DYNC2I2: variants seen among roughly 807,000 people sequenced by gnomAD.
DYNC2I2 encodes the protein dynein 2 intermediate chain 2, also known as cytoplasmic dynein 2 intermediate chain 2.
A neutral mutation model predicts 52.0 loss-of-function variants in DYNC2I2; 39 were observed. The ratio of observed to expected loss-of-function variants is 0.75; its 90% CI spans 0.58 to 0.98. The LOEUF is 0.98. Among genes scored for constraint, DYNC2I2 ranks in the 50% least tolerant of loss-of-function variants. The pLI is 0.00. For synonymous variants in DYNC2I2, 359 were observed against 321.1 expected, an observed-to-expected ratio of 1.12 and a Z score of -1.26; for missense variants, 743 against 728.4, an observed-to-expected ratio of 1.02 and a Z score of -0.23.
intron 2 of DYNC2I2, among the ~76,000 whole-genome samples, chr9:128,637,674 C>G (rs1860441300): frequency 6.6e-6 from 1 of 152,266 alleles, no homozygotes; most frequent in Non-Finnish European, 1.5e-5. Flanking sequence ...AACTCCTGAC[C>G]TCAGGTGATC....
the DYNC2I2 span, among the ~76,000 whole-genome samples, chr9:128,667,937 T>G: frequency 3.7e-5 from 5 of 136,032 alleles, no homozygotes; most frequent in Admixed American, 3.5e-4. Context: ...TTCACCATGT[T>G]GGCCAGGATG....
chr9:128,636,307 T>C lies in DYNC2I2; in HGVS notation c.677A>G (p.His226Arg), dbSNP rs139362186. The change falls in exon 4 of 9, where the codon CAC becomes CGC. Residue 226 changes from histidine (H) to arginine (R), a missense_variant. Coordinates refer to ENST00000372715, the MANE Select transcript of DYNC2I2 (RefSeq NM_052844.4). ...VPSAVLCLAF[H>R]PTQPSHVAGG... ...TGCGACGTGGGAGGGCTGCGTGGGG[T>C]GGAAGGCCAGACACAGGACAGCGCT... The C allele has an allele frequency of 6.1e-5, 97 of 1,583,106 alleles. No individual in the cohort carries two copies. Among genetic ancestry groups the C allele is most frequent in the Non-Finnish European group, 8.0e-5 (93 of 1,165,500 alleles).
In DYNC2I2 at chr9:128,633,747, GGCC is replaced by G. The variant is rs1860229370; in HGVS notation, c.1605_1607del (p.Ala536del). 6.2e-7 allele frequency: 1 copy of G among 1,612,462 alleles called. No individual in the cohort carries two copies. Among genetic ancestry groups the G allele is most frequent in the Non-Finnish European group, 8.5e-7 (1 of 1,179,964 alleles). Reference sequence around the variant, plus strand: ...TGCACCCGCCTCCCGGGACCCCTCAGGCCGCCACCTCTGCTGCCAGGCAGTCCA... The same window carrying G: ...TGCACCCGCCTCCCGGGACCCCTCAGGCCACCTCTGCTGCCAGGCAGTCCA... On this transcript the variant is annotated inframe_deletion, in exon 9 of 9. Coordinates refer to ENST00000372715, the MANE Select transcript of DYNC2I2 (RefSeq NM_052844.4).
At chr9:128,681,254 T>C in the DYNC2I2 span, among the ~76,000 whole-genome samples, 2 of 151,718 alleles carry the variant, frequency 1.3e-5, no homozygotes, top group Admixed American at 1.3e-4. Context: ...CCACTCCAGG[T>C]TAATTTTTGT....
At chr9:128,637,052 G>A in intron 2 of DYNC2I2, 25 bp from the exon 3 acceptor site, 1 of 1,583,032 alleles carries the variant, frequency 6.3e-7, no homozygotes, top group South Asian at 1.1e-5. Context: ...CCAACCCTGA[G>A]TCCAAAGCCA....
the DYNC2I2 span, among the ~76,000 whole-genome samples, chr9:128,682,090 G>C: frequency 6.7e-6 from 1 of 148,490 alleles, no homozygotes; most frequent in Non-Finnish European, 1.5e-5. Flanking sequence ...TGACAGTCTC[G>C]CTCTGTCGCT....
intron 1 of DYNC2I2, among the ~76,000 whole-genome samples, chr9:128,647,886 G>C (rs1275586645): frequency 6.6e-6 from 1 of 152,008 alleles, no homozygotes; most frequent in Non-Finnish European, 1.5e-5. Context: ...GAGGCCCCAG[G>C]GACGCTCTGC....
the DYNC2I2 span, among the ~76,000 whole-genome samples, chr9:128,664,648 C>A: frequency 1.3e-5 from 2 of 151,924 alleles, no homozygotes; most frequent in Non-Finnish European, 2.9e-5. Context: ...CCACGCCCAA[C>A]TAATTTTTGT....
At chr9:128,634,504 C>A in intron 7 of DYNC2I2, 121 bp from the exon 8 acceptor site, 1 of 1,391,856 alleles carries the variant, frequency 7.2e-7, no homozygotes, top group Non-Finnish European at 9.6e-7. Flanking sequence ...GGTCCCTCAG[C>A]CTGGAGTTGG....
At chr9:128,635,012 C>A in intron 6 of DYNC2I2, 80 bp downstream of exon 6, 3 of 1,583,504 alleles carry the variant, frequency 1.9e-6, no homozygotes, top group East Asian at 2.2e-5. Flanking sequence ...GAGATCACAG[C>A]AAGTCAGGCC....
At chr9:128,670,571 A>C in the DYNC2I2 span, among the ~76,000 whole-genome samples, 1 of 151,342 alleles carries the variant, frequency 6.6e-6, no homozygotes, top group African/African-American at 2.4e-5. Context: ...CTCCATCTCT[A>C]CTAAAAATAC....
the DYNC2I2 span, among the ~76,000 whole-genome samples, chr9:128,663,952 CTTTTTT>C: frequency 1.2e-4 from 12 of 101,996 alleles, no homozygotes; most frequent in East Asian, 2.6e-4. Flanking sequence ...TGCACCCAGG[CTTTTTT>C]TTTTTTTTTT....
upstream of DYNC2I2, among the ~76,000 whole-genome samples, chr9:128,658,188 C>T (rs886311323): frequency 5.9e-4 from 84 of 143,056 alleles, no homozygotes; most frequent in African/African-American, 2.2e-3. Flanking sequence ...TTTTTTAAGA[C>T]AGAGTCTCAC....
In DYNC2I2 at chr9:128,639,636, T is replaced by C. The variant is rs73623572; in HGVS notation, c.435+1055A>G. On this transcript the variant is annotated intron_variant, in intron 2 of 8. Transcript: ENST00000372715. ...CTCATCTATAAACTGAAGATTATAA[T>C]AGCACTACCTCATACAGTTTTTTTT... is the stretch of plus-strand genomic sequence containing the variant. 4.7e-3 allele frequency among the ~76,000 whole-genome samples: 714 copies of C among 152,170 alleles called. 8 individuals carry two copies. Among genetic ancestry groups the C allele is most frequent in the African/African-American group, 0.016 (671 of 41,516 alleles).
chr9:128,642,286 CAAAAAA>C (rs34133160), intron 1 of DYNC2I2, among the ~76,000 whole-genome samples: 1 of 88,944 alleles, frequency 1.1e-5, no homozygotes, highest in Non-Finnish European at 2.0e-5. Context: ...GACTCCGTCT[CAAAAAA>C]AAAAAAAAAA....
intron 1 of DYNC2I2, among the ~76,000 whole-genome samples, chr9:128,655,802 T>A (rs539489827): frequency 6.9e-6 from 1 of 145,754 alleles, no homozygotes; most frequent in South Asian, 2.1e-4. Context: ...TCCCAGCTAC[T>A]GGGGAGGCTG....
At chr9:128,656,081 C>A (rs1860817035) in intron 1 of DYNC2I2, among the ~76,000 whole-genome samples, 1 of 151,018 alleles carries the variant, frequency 6.6e-6, no homozygotes, top group South Asian at 2.1e-4. Flanking sequence ...CGTGGTGGCC[C>A]GCGCCTGAGG....
chr9:128,647,315 TA>T (rs1188224560), intron 1 of DYNC2I2, among the ~76,000 whole-genome samples: 1 of 152,040 alleles, frequency 6.6e-6, no homozygotes. Flanking sequence ...AAGGCTCCAA[TA>T]AGCCGCCCCC....
At chr9:128,672,031 T>C in the DYNC2I2 span, among the ~76,000 whole-genome samples, 36 of 142,674 alleles carry the variant, frequency 2.5e-4, no homozygotes, top group East Asian at 2.0e-3. Context: ...TGGAGTGCAG[T>C]GGCGCGATCT....
Sources: gnomAD v4.1 joint callset for allele counts (sites outside exome capture counted in the v4.1 genomes callset) on GRCh38, gnomAD v4.1.1 for gene constraint, MANE v1.5 for transcripts, NCBI Gene and HGNC (gene_info 2026-07-23, HGNC 2026-07-21) for gene names.